CES5A: variants seen among roughly 807,000 people sequenced by gnomAD.
The protein encoded by CES5A is carboxylesterase 5A.
CES5A carries 67 observed loss-of-function variants against 62.9 expected under a neutral mutation model. That is an observed-to-expected ratio of 1.07 (90% CI 0.88 to 1.31). The LOEUF (loss-of-function observed/expected upper bound fraction) is 1.31, where lower values mean the gene tolerates loss of function less well. CES5A is among the 50% of genes most tolerant of loss of function. CES5A has a pLI of 0.00. For synonymous variants in CES5A, 296 were observed against 280.8 expected, an observed-to-expected ratio of 1.05 and a Z score of -0.54; for missense variants, 748 against 708.5, an observed-to-expected ratio of 1.06 and a Z score of -0.63.
At chr16:55,861,562 T>C (rs755631021) in intron 6 of CES5A, 46 bp from the exon 7 acceptor site, 1 of 1,390,828 alleles carries the variant, frequency 7.2e-7, no homozygotes, top group East Asian at 2.3e-5. Flanking sequence ...ATTGAAAGCA[T>C]CTAGGAAAAT....
chr16:55,875,129 T>C lies in CES5A; in HGVS notation c.73+20A>G. ...CCACCCCATCTTCTGAGAGCCCTCCTTTCCCATTGGATATCTCACCTTTGG... is the reference window on the plus strand; with the variant it reads ...CCACCCCATCTTCTGAGAGCCCTCCCTTCCCATTGGATATCTCACCTTTGG... On this transcript the variant is annotated intron_variant, in intron 1 of 12. Transcript: ENST00000290567. 1 of 1,611,850 alleles carries C rather than the reference T, an allele frequency of 6.2e-7. No individual in the cohort carries two copies. Among genetic ancestry groups the C allele is most frequent in the Non-Finnish European group, 8.5e-7 (1 of 1,177,896 alleles).
At chr16:55,955,906 A>T in exon 1 of CES5A, 1 of 1,536,012 alleles carries the variant, frequency 6.5e-7, no homozygotes, top group East Asian at 2.4e-5. Flanking sequence ...CTTGGTCCTA[A>T]CACAAAACCT....
intron 1 of CES5A, among the ~76,000 whole-genome samples, chr16:55,885,843 A>T (rs773990795): frequency 2.6e-5 from 4 of 152,236 alleles, no homozygotes; most frequent in Non-Finnish European, 5.9e-5. Context: ...TGAATAGGCA[A>T]CCAGAGCCGC....
chr16:55,857,974 C>T (rs1272884757), intron 8 of CES5A, among the ~76,000 whole-genome samples: 1 of 152,174 alleles, frequency 6.6e-6, no homozygotes, highest in Non-Finnish European at 1.5e-5. Context: ...GCAGGTGGAT[C>T]ACTTGAGGTC....
chr16:55,946,763 G>C (rs1567365902), intron 2 of CES5A, among the ~76,000 whole-genome samples: 1 of 152,188 alleles, frequency 6.6e-6, no homozygotes, highest in Non-Finnish European at 1.5e-5. Context: ...GGTTAACGGG[G>C]GCAGCTCTGC....
chr16:55,869,031 A>G (rs1219934031), intron 4 of CES5A, among the ~76,000 whole-genome samples: 1 of 152,250 alleles, frequency 6.6e-6, no homozygotes, highest in East Asian at 1.9e-4. Context: ...TAGAGTGATG[A>G]TTCTCAGGTG....
intron 1 of CES5A, among the ~76,000 whole-genome samples, chr16:55,886,934 T>C (rs1370540632): frequency 2.0e-5 from 3 of 152,008 alleles, no homozygotes; most frequent in East Asian, 3.9e-4. Context: ...TGTGAACAAA[T>C]GGCCCCAGGA....
chr16:55,953,083 A>G (rs1411555071), intron 1 of CES5A, among the ~76,000 whole-genome samples: 1 of 152,224 alleles, frequency 6.6e-6, no homozygotes, highest in African/African-American at 2.4e-5. Flanking sequence ...ATTAGAAAGC[A>G]ATTGATGTTC....
At position 55,846,274 on chromosome 16, in the gene CES5A, C is replaced by G. The variant is rs2033004099; in HGVS notation, c.*177G>C. On this transcript the variant is annotated 3_prime_UTR_variant, in exon 13 of 13. Coordinates refer to ENST00000290567, the MANE Select transcript of CES5A (RefSeq NM_001143685.2). ...TTGTTGCCTTCCAAGACAAATTGCA[C>G]TTTTTGATGTTGAAAAGAATTCTGT... is the stretch of plus-strand genomic sequence containing the variant. 1.6e-6 allele frequency: 1 copy of G among 608,030 alleles called. No homozygotes were observed. The highest frequency in any genetic ancestry group is 2.1e-5 in the South Asian group (1 of 47,668). 37.7% of individuals were successfully genotyped at this position (608,030 alleles called of 1,614,324 possible). A position where few individuals can be genotyped will look rare whatever the true frequency, so the allele number is the denominator to read the frequency against.
chr16:55,906,554 T>C (rs2034041551), intron 1 of CES5A, among the ~76,000 whole-genome samples: 1 of 152,212 alleles, frequency 6.6e-6, no homozygotes, highest in South Asian at 2.1e-4. Flanking sequence ...TAAATGTTTA[T>C]TTAAAAGAGT....
At chr16:55,942,345 A>C (rs1488521797) in intron 2 of CES5A, among the ~76,000 whole-genome samples, 1 of 152,240 alleles carries the variant, frequency 6.6e-6, no homozygotes, top group Non-Finnish European at 1.5e-5. Flanking sequence ...TGTGTATAAC[A>C]CATAAAGAAT....
At chr16:55,912,917 C>G (rs1289410407) in intron 1 of CES5A, among the ~76,000 whole-genome samples, 3 of 152,154 alleles carry the variant, frequency 2.0e-5, no homozygotes, top group Admixed American at 6.5e-5. Context: ...AGACCTCCAG[C>G]TCCTCTTGCC....
chr16:55,859,831 G>T, intron 7 of CES5A, 144 bp from the exon 8 acceptor site: 1 of 677,186 alleles, frequency 1.5e-6, no homozygotes, highest in East Asian at 2.8e-5. Flanking sequence ...CAAACACTAT[G>T]GGCCCAGCTC....
At chr16:55,941,029 G>A (rs1176226070) in intron 2 of CES5A, among the ~76,000 whole-genome samples, 3 of 151,836 alleles carry the variant, frequency 2.0e-5, no homozygotes, top group South Asian at 4.2e-4. Context: ...AATGTAAAAA[G>A]CCTACAGCTA....
chr16:55,929,865 A>G (rs1263103433), upstream of CES5A, among the ~76,000 whole-genome samples: 1 of 152,176 alleles, frequency 6.6e-6, no homozygotes, highest in Admixed American at 6.5e-5. Context: ...TATCTTAAGT[A>G]CTGATTTTTG....
chr16:55,910,084 T>G (rs1337486903), intron 1 of CES5A, among the ~76,000 whole-genome samples: 3 of 152,120 alleles, frequency 2.0e-5, no homozygotes, highest in Non-Finnish European at 4.4e-5. Context: ...CAATATCAGA[T>G]GTGTGAGAAG....
chr16:55,943,436 T>C (rs1412077878), intron 2 of CES5A, among the ~76,000 whole-genome samples: 7 of 152,326 alleles, frequency 4.6e-5, no homozygotes, highest in Non-Finnish European at 1.0e-4. Flanking sequence ...TGCAATGCCT[T>C]GTTTTTCAAC....
At chr16:55,906,369 T>C (rs2034040128) in intron 1 of CES5A, among the ~76,000 whole-genome samples, 1 of 152,176 alleles carries the variant, frequency 6.6e-6, no homozygotes, top group African/African-American at 2.4e-5. Flanking sequence ...GTACGAGATG[T>C]CTGGATTCTC....
chr16:55,861,302 C>A, intron 7 of CES5A, 110 bp downstream of exon 7: 1 of 663,080 alleles, frequency 1.5e-6, no homozygotes, highest in Non-Finnish European at 2.7e-6. Flanking sequence ...GTACCTCAAT[C>A]CTCCTCTTTT....
Sources: allele counts gnomAD v4.1 joint callset (sites outside exome capture counted in the v4.1 genomes callset), GRCh38; gene constraint gnomAD v4.1.1; transcripts MANE v1.5; gene names NCBI Gene and HGNC (gene_info 2026-07-23, HGNC 2026-07-21).